Variants in AIF1L observed in about 807,000 individuals in gnomAD.
AIF1L encodes allograft inflammatory factor 1-like.
AIF1L carries 12 observed loss-of-function variants against 20.7 expected under a neutral mutation model. The ratio of observed to expected loss-of-function variants is 0.58; its 90% CI spans 0.37 to 0.94. The LOEUF (loss-of-function observed/expected upper bound fraction) is 0.94. AIF1L is among the 40% of genes least tolerant of loss of function. The probability of loss-of-function intolerance (pLI) is 0.01; values close to 1 mark genes in which losing one functional copy is unlikely to be tolerated. For synonymous variants in AIF1L, 76 were observed against 65.1 expected (o/e 1.17, Z -0.81); for missense variants, 173 against 185.3 (o/e 0.93, Z 0.39).
rs1428757370 is a variant in AIF1L at position 131,120,887 on chromosome 9, C to T, written c.*565C>T. ...CTCATTCCACACCTCTTCTCATCCT[C>T]AGTGATGTGAAGGTGGGAAGGAAAG... On this transcript the variant is annotated 3_prime_UTR_variant, in exon 6 of 6. Coordinates refer to ENST00000247291, the MANE Select transcript of AIF1L (RefSeq NM_031426.4). 1 of 494,474 alleles carries T rather than the reference C, an allele frequency of 2.0e-6. No homozygotes were observed. Among genetic ancestry groups the T allele is most frequent in the Non-Finnish European group, 3.6e-6 (1 of 276,568 alleles). 30.6% of individuals were successfully genotyped at this position (494,474 alleles called of 1,614,324 possible).
At chr9:131,114,666 A>T in intron 4 of AIF1L, 48 bp downstream of exon 4, 1 of 1,608,798 alleles carries the variant, frequency 6.2e-7, no homozygotes, top group Non-Finnish European at 8.5e-7. Context: ...TTAAGTGGGT[A>T]GAGGGCTTGA....
At chr9:131,099,790 G>A (rs1830598306) in intron 2 of AIF1L, among the ~76,000 whole-genome samples, 2 of 145,646 alleles carry the variant, frequency 1.4e-5, no homozygotes, top group South Asian at 4.3e-4. Context: ...GCAGTGGCGT[G>A]ATCTCAGTTC....
intron 3 of AIF1L, chr9:131,111,932 C>G (rs1197187169): frequency 2.0e-6 from 1 of 497,076 alleles, no homozygotes; most frequent in Non-Finnish European, 3.6e-6. Context: ...TCACTGCCCA[C>G]GGGGCTCAGG....
chr9:131,110,837 C>T (rs1361993495), intron 2 of AIF1L, among the ~76,000 whole-genome samples: 1 of 151,998 alleles, frequency 6.6e-6, no homozygotes, highest in African/African-American at 2.4e-5. Flanking sequence ...AGAAGCAGAT[C>T]ATGATTCTCA....
At chr9:131,101,278 G>A (rs546188606) in intron 2 of AIF1L, among the ~76,000 whole-genome samples, 25 of 152,224 alleles carry the variant, frequency 1.6e-4, no homozygotes, top group East Asian at 3.9e-4. Context: ...CGCTGACCCC[G>A]CAACAGGGCA....
intron 2 of AIF1L, chr9:131,106,346 T>G: frequency 9.6e-7 from 1 of 1,046,806 alleles, no homozygotes. Context: ...GAACCTACAT[T>G]CTAGCCGGGG....
intron 4 of AIF1L, among the ~76,000 whole-genome samples, 160 bp from the exon 5 acceptor site, chr9:131,117,596 C>G (rs1209561851): frequency 6.6e-6 from 1 of 152,206 alleles, no homozygotes; most frequent in African/African-American, 2.4e-5. Context: ...TATACGGCCT[C>G]CAAAGAGAGC....
At chr9:131,106,175 A>G in intron 2 of AIF1L, 8 of 1,531,204 alleles carry the variant, frequency 5.2e-6, no homozygotes, top group Non-Finnish European at 7.0e-6. Context: ...CCTGATACCC[A>G]CTTCCTCCTC....
In AIF1L at chr9:131,117,773, AG is replaced by A; in HGVS notation, c.222del (p.Met75Ter). 1.2e-6 allele frequency: 2 copies of A among 1,612,898 alleles called. No individual in the cohort carries two copies. Among genetic ancestry groups the A allele is most frequent in the Non-Finnish European group, 1.7e-6 (2 of 1,179,568 alleles). On this transcript the variant is annotated frameshift_variant, in exon 5 of 6. Coordinates refer to ENST00000247291, the MANE Select transcript of AIF1L (RefSeq NM_031426.4). LOFTEE classifies it high-confidence loss of function. ...EGEIDLMSLK[R>X]MMEKLGVPKT... ...CCCGGCAGACCTGATGTCTTTAAAG[AG>A]GATGATGGAGAAGCTTGGTGTCCCC...
At chr9:131,103,414 G>A (rs1253012215) in intron 2 of AIF1L, among the ~76,000 whole-genome samples, 2 of 152,340 alleles carry the variant, frequency 1.3e-5, no homozygotes, top group African/African-American at 4.8e-5. Context: ...ACACACACCT[G>A]CCTCTCGATG....
At chr9:131,120,027 G>A (rs116240604) in intron 5 of AIF1L, among the ~76,000 whole-genome samples, 119 of 152,176 alleles carry the variant, frequency 7.8e-4, no homozygotes, top group African/African-American at 2.4e-3. Flanking sequence ...ACCACTTTGC[G>A]CCTCCATTTT....
chr9:131,100,494 A>C lies in AIF1L; in HGVS notation c.93+3631A>C, dbSNP rs566112778. ...GGCTGGGTAAACTGCCTGGGTTTAA[A>C]CAGCCTCGACTTGAACCCAGCCTAT... On this transcript the variant is annotated intron_variant, in intron 2 of 5. Transcript: ENST00000247291. Among the ~76,000 whole-genome samples, 472 of 152,304 alleles carry C rather than the reference A, an allele frequency of 3.1e-3. 9 individuals carry two copies. The highest frequency in any genetic ancestry group is 3.4e-3 in the Middle Eastern group (1 of 294).
chr9:131,109,567 C>G (rs976029943), intron 2 of AIF1L, among the ~76,000 whole-genome samples: 7 of 138,018 alleles, frequency 5.1e-5, no homozygotes, highest in African/African-American at 1.7e-4. Flanking sequence ...CTCAAAAAAA[C>G]AAAAACAAAA....
At chr9:131,100,141 C>T (rs7861588) in intron 2 of AIF1L, among the ~76,000 whole-genome samples, 1 of 152,056 alleles carries the variant, frequency 6.6e-6, no homozygotes, top group South Asian at 2.1e-4. Context: ...CTCCCCAGCT[C>T]AAGCAATCTT....
At chr9:131,099,655 C>G (rs1397572692) in intron 2 of AIF1L, among the ~76,000 whole-genome samples, 1 of 152,100 alleles carries the variant, frequency 6.6e-6, no homozygotes, top group Non-Finnish European at 1.5e-5. Flanking sequence ...GGGCCGATAC[C>G]TAGTTCCCTT....
chr9:131,107,339 T>C (rs1830776495), intron 2 of AIF1L, among the ~76,000 whole-genome samples: 1 of 152,206 alleles, frequency 6.6e-6, no homozygotes, highest in Non-Finnish European at 1.5e-5. Context: ...CCAGGGACCA[T>C]GTCCTTCCAC....
At chr9:131,099,147 C>G (rs1446870274) in intron 2 of AIF1L, among the ~76,000 whole-genome samples, 1 of 152,232 alleles carries the variant, frequency 6.6e-6, no homozygotes, top group Non-Finnish European at 1.5e-5. Flanking sequence ...CCCAGGAGAG[C>G]TGGCTGCGGC....
chr9:131,109,361 C>G (rs1410472329), intron 2 of AIF1L, among the ~76,000 whole-genome samples: 1 of 152,014 alleles, frequency 6.6e-6, no homozygotes, highest in Non-Finnish European at 1.5e-5. Context: ...GAGTTCAAGA[C>G]CAGCCTGGCC....
At chr9:131,104,212 G>T (rs1038390009) in intron 2 of AIF1L, among the ~76,000 whole-genome samples, 7 of 152,182 alleles carry the variant, frequency 4.6e-5, no homozygotes, top group African/African-American at 1.7e-4. Context: ...CACTTTCAGG[G>T]CCCAGAGGCC....
Sources: gnomAD v4.1 joint callset for allele counts (sites outside exome capture counted in the v4.1 genomes callset) on GRCh38, gnomAD v4.1.1 for gene constraint, MANE v1.5 for transcripts, NCBI Gene and HGNC (gene_info 2026-07-23, HGNC 2026-07-21) for gene names.